The following STK40 variants were observed in gnomAD, a reference collection of about 807,000 sequenced individuals.
STK40 encodes serine/threonine kinase 40.
In STK40, 13 loss-of-function variants were observed where a neutral mutation model predicts 47.9. That is an observed-to-expected ratio of 0.27 (90% CI 0.18 to 0.43). The LOEUF is 0.43. Ranked by LOEUF, STK40 falls within the 20% of genes least tolerant of loss-of-function variation. STK40 has a pLI of 1.00. For synonymous variants in STK40, 225 were observed against 243.2 expected (o/e 0.93, Z 0.69); for missense variants, 460 against 595.1 (o/e 0.77, Z 2.36).
chr1:36,344,020 C>A, intron 8 of STK40, 41 bp from the exon 9 acceptor site: 4 of 1,593,382 alleles, frequency 2.5e-6, no homozygotes, highest in Non-Finnish European at 3.4e-6. Flanking sequence ...GTGGGTGGTG[C>A]TGGGTCTGTG....
chr1:36,342,299 C>G, intron 10 of STK40: 1 of 359,584 alleles, frequency 2.8e-6, no homozygotes, highest in Non-Finnish European at 5.3e-6. Flanking sequence ...TTCTCTGAGC[C>G]CTGAGGCGGC....
chr1:36,361,080 C>A (rs148102085), intron 2 of STK40, 141 bp downstream of exon 2: 2 of 923,254 alleles, frequency 2.2e-6, no homozygotes, highest in Non-Finnish European at 3.3e-6. Context: ...AAGCTAGGGA[C>A]CAAGCCTGGG....
At chr1:36,373,213 G>A (rs1202123647) in intron 1 of STK40, among the ~76,000 whole-genome samples, 2 of 152,118 alleles carry the variant, frequency 1.3e-5, no homozygotes, top group Non-Finnish European at 2.9e-5. Context: ...TGTGGCTGGC[G>A]GTGTCACCAG....
At chr1:36,376,062 A>G (rs1169265643) in intron 1 of STK40, among the ~76,000 whole-genome samples, 3 of 152,198 alleles carry the variant, frequency 2.0e-5, no homozygotes, top group Non-Finnish European at 4.4e-5. Flanking sequence ...AGCGAGCAAT[A>G]CAATTCACTT....
At chr1:36,371,793 C>T (rs185330648) in intron 1 of STK40, among the ~76,000 whole-genome samples, 7 of 150,132 alleles carry the variant, frequency 4.7e-5, no homozygotes, top group African/African-American at 1.7e-4. Flanking sequence ...GTCAGGAGTT[C>T]GAGACCAGCC....
chr1:36,345,992 T>TATATA (rs1553135170), intron 7 of STK40, among the ~76,000 whole-genome samples: 3,862 of 18,950 alleles, frequency 0.2, 121 homozygotes, highest in East Asian at 0.32. Flanking sequence ...TATATATATA[T>TATATA]TTTTTTTTTT....
intron 2 of STK40, 47 bp downstream of exon 2, chr1:36,361,174 C>T: frequency 1.2e-6 from 2 of 1,606,326 alleles, no homozygotes; most frequent in Non-Finnish European, 1.7e-6. Flanking sequence ...ATGTGCCCTG[C>T]CCCTGCCTCC....
intron 10 of STK40, chr1:36,343,160 T>C: frequency 2.8e-6 from 2 of 709,604 alleles, no homozygotes; most frequent in South Asian, 3.1e-5. Flanking sequence ...TGGCCAAAGA[T>C]CTCCAGCTAC....
chr1:36,360,697 A>T (rs1646844335), intron 2 of STK40, among the ~76,000 whole-genome samples: 1 of 151,878 alleles, frequency 6.6e-6, no homozygotes, highest in African/African-American at 2.4e-5. Flanking sequence ...CACCACACCC[A>T]ATTAATTTTT....
At chr1:36,385,479 C>T (rs1218229825) in intron 1 of STK40, among the ~76,000 whole-genome samples, 3 of 152,232 alleles carry the variant, frequency 2.0e-5, no homozygotes, top group African/African-American at 4.8e-5. Flanking sequence ...GTGCCCACTT[C>T]CCAGAGCTGC....
In STK40 at chr1:36,345,968, C is replaced by CATAT. The variant is rs1553135169; in HGVS notation, c.740-1708_740-1705dup. On this transcript the variant is annotated intron_variant, in intron 7 of 10. Coordinates refer to ENST00000373132, the MANE Select transcript of STK40 (RefSeq NM_001282547.2). Reference sequence around the variant, plus strand: ...GCCAAACACTAGGTTAAGGGCATTACATATATATATATATATATATATATT... The same window carrying CATAT: ...GCCAAACACTAGGTTAAGGGCATTACATATATATATATATATATATATATATATT... Among the ~76,000 whole-genome samples, 124 of 29,914 alleles carry CATAT rather than the reference C, an allele frequency of 4.1e-3. 17 individuals are homozygous for CATAT. Among genetic ancestry groups the CATAT allele is most frequent in the East Asian group, 5.6e-3 (8 of 1,436 alleles). 19.6% of individuals were successfully genotyped at this position (29,914 alleles called of 152,430 possible).
In STK40 at chr1:36,359,284, T is replaced by C. The variant is rs139098360; in HGVS notation, c.113-462A>G. On this transcript the variant is annotated intron_variant, in intron 2 of 10. Coordinates refer to ENST00000373132, the MANE Select transcript of STK40 (RefSeq NM_001282547.2). ...GGCTGAGCATGGTGGAGCATACCTGTAGACCCAGCTACTTGGAAGGCTGAG... is the reference window on the plus strand; with the variant it reads ...GGCTGAGCATGGTGGAGCATACCTGCAGACCCAGCTACTTGGAAGGCTGAG... 5.3e-3 allele frequency among the ~76,000 whole-genome samples: 810 copies of C among 152,238 alleles called. 4 individuals are homozygous for C. Among genetic ancestry groups the C allele is most frequent in the Non-Finnish European group, 9.3e-3 (630 of 68,004 alleles).
intron 1 of STK40, among the ~76,000 whole-genome samples, chr1:36,376,346 C>T (rs1428764837): frequency 2.0e-5 from 3 of 152,172 alleles, no homozygotes; most frequent in African/African-American, 7.2e-5. Context: ...CTCCCAGGCT[C>T]TGCACAAGCC....
At chr1:36,346,815 A>G (rs1410498464) in intron 7 of STK40, among the ~76,000 whole-genome samples, 1 of 152,212 alleles carries the variant, frequency 6.6e-6, no homozygotes, top group East Asian at 1.9e-4. Flanking sequence ...GTGCTGCAAG[A>G]GAGGAGTCCC....
rs369580497 is a variant in STK40 at position 36,341,762 on chromosome 1, C to T, written c.1301G>A (p.Arg434Gln). ...DTAILAQRYLRK is the reference protein window; with the variant it reads ...DTAILAQRYLQK ...TGGCCCCGGCTGAGGCTGTTATTTC[C>T]GCAGGTAGCGCTGCGCCAGGATGGC... The change falls in exon 11 of 11, where the codon CGG (arginine) becomes CAG (glutamine). Residue 434 changes from arginine (R) to glutamine (Q), a missense_variant. Arg to Gln is a conservative substitution (Grantham distance 43). Transcript: ENST00000373132. The T allele has an allele frequency of 2.2e-5, 35 of 1,610,516 alleles. No homozygotes were observed. Among genetic ancestry groups the T allele is most frequent in the Non-Finnish European group, 2.8e-5 (33 of 1,178,792 alleles).
chr1:36,372,095 CCA>C (rs1202221959), intron 1 of STK40, among the ~76,000 whole-genome samples: 1 of 152,160 alleles, frequency 6.6e-6, no homozygotes, highest in African/African-American at 2.4e-5. Context: ...TTGGTTGAAT[CCA>C]CAGACGTAGA....
Position 36,340,379 on chromosome 1 carries a change from G to C in STK40, c.*1376C>G, listed in dbSNP as rs1347608955. 5 of 152,702 alleles carry C rather than the reference G, an allele frequency of 3.3e-5. No individual in the cohort carries two copies. The highest frequency in any genetic ancestry group is 1.2e-4 in the African/African-American group (5 of 41,456). 9.5% of individuals were successfully genotyped at this position (152,702 alleles called of 1,614,324 possible). A position where few individuals can be genotyped will look rare whatever the true frequency, so the allele number is the denominator to read the frequency against. On this transcript the variant is annotated 3_prime_UTR_variant, in exon 11 of 11. Coordinates refer to ENST00000373132, the MANE Select transcript of STK40 (RefSeq NM_001282547.2). Reference sequence around the variant, plus strand: ...GTGAGTCAGCTTTTTAGGGGGAGGAGAGCGGCTCACACTCTGGGAAACACA... The same window carrying C: ...GTGAGTCAGCTTTTTAGGGGGAGGACAGCGGCTCACACTCTGGGAAACACA...
chr1:36,345,538 C>G (rs1216112491), intron 7 of STK40, among the ~76,000 whole-genome samples: 1 of 152,152 alleles, frequency 6.6e-6, no homozygotes. Flanking sequence ...TTCCAGCGCC[C>G]GGTGCCAAAG....
At chr1:36,350,289 C>T (rs1054973537) in intron 6 of STK40, among the ~76,000 whole-genome samples, 11 of 152,172 alleles carry the variant, frequency 7.2e-5, no homozygotes, top group East Asian at 1.9e-4. Context: ...GCTCCAGTGC[C>T]GCTGCCCTGA....
Sources: gnomAD v4.1 joint callset for allele counts (sites outside exome capture counted in the v4.1 genomes callset) on GRCh38, gnomAD v4.1.1 for gene constraint, MANE v1.5 for transcripts, NCBI Gene and HGNC (gene_info 2026-07-23, HGNC 2026-07-21) for gene names.